Variants in HOMER2 observed in about 807,000 individuals in gnomAD.
HOMER2 encodes homer protein homolog 2.
A neutral mutation model predicts 47.0 loss-of-function variants in HOMER2; 27 were observed. The ratio of observed to expected loss-of-function variants is 0.57; its 90% CI spans 0.42 to 0.79. The LOEUF (loss-of-function observed/expected upper bound fraction) is 0.79. HOMER2 is among the 30% of genes least tolerant of loss of function. The pLI is 0.00. For synonymous variants in HOMER2, 161 were observed against 163.8 expected, an observed-to-expected ratio of 0.98 and a Z score of 0.13; for missense variants, 443 against 435.0, an observed-to-expected ratio of 1.02 and a Z score of -0.16.
chr15:82,891,558 G>C (rs1289035877), intron 2 of HOMER2, among the ~76,000 whole-genome samples: 1 of 152,166 alleles, frequency 6.6e-6, no homozygotes, highest in Admixed American at 6.5e-5. Context: ...CACACCTTCT[G>C]TTTGTGGAGT....
At chr15:82,866,823 G>C (rs1048087975) in intron 3 of HOMER2, among the ~76,000 whole-genome samples, 2 of 152,186 alleles carry the variant, frequency 1.3e-5, no homozygotes, top group African/African-American at 4.8e-5. Flanking sequence ...CCAGCCACGT[G>C]GAACTGTAAG....
chr15:82,843,442 C>CAAAAAAAAAAAA lies in HOMER2; in HGVS notation c.*3820_*3831dup, dbSNP rs56335970. 4 of 20,520 alleles carry CAAAAAAAAAAAA rather than the reference C, an allele frequency of 1.9e-4. 1 individual carries two copies. The highest frequency in any genetic ancestry group is 6.1e-4 in the African/African-American group (2 of 3,276). The allele number at this position is 20,520 out of a possible 1,614,324, so 1.3% of individuals were successfully genotyped here. On this transcript the variant is annotated 3_prime_UTR_variant, in exon 2 of 2. Transcript: ENST00000558090. ...CTGGGGGCCAGGGTGGACCCCGTCT[C>CAAAAAAAAAAAA]AAAAAAAAAAAAAAAAAAAAAAAAA... is the stretch of plus-strand genomic sequence containing the variant.
At chr15:82,981,911 T>C (rs957932225) in intron 1 of HOMER2, among the ~76,000 whole-genome samples, 1 of 142,260 alleles carries the variant, frequency 7.0e-6, no homozygotes, top group Non-Finnish European at 1.5e-5. Context: ...TGAAAAAATC[T>C]CGAGATGGAT....
At chr15:82,983,664 C>T (rs2030474463) in intron 1 of HOMER2, among the ~76,000 whole-genome samples, 1 of 151,954 alleles carries the variant, frequency 6.6e-6, no homozygotes, top group East Asian at 1.9e-4. Context: ...TCTCGGCTCA[C>T]TGCAACCTCT....
upstream of HOMER2, among the ~76,000 whole-genome samples, chr15:82,953,075 T>G (rs1461127341): frequency 6.6e-6 from 1 of 152,168 alleles, no homozygotes; most frequent in Admixed American, 6.5e-5. Flanking sequence ...AACCGAGGCC[T>G]GGGGAGGGTA....
intron 1 of HOMER2, among the ~76,000 whole-genome samples, chr15:82,959,727 A>G (rs748701566): frequency 3.1e-4 from 47 of 152,136 alleles, no homozygotes; most frequent in Non-Finnish European, 5.9e-4. Flanking sequence ...CAGGGTTGAG[A>G]ACCACTGCCC....
intron 1 of HOMER2, among the ~76,000 whole-genome samples, chr15:82,919,044 C>T (rs1221347563): frequency 6.6e-6 from 1 of 152,312 alleles, no homozygotes; most frequent in Admixed American, 6.5e-5. Context: ...TCTCAACCCT[C>T]AGGGTGCAGA....
At chr15:82,900,631 CAG>C (rs1195948970) in intron 1 of HOMER2, among the ~76,000 whole-genome samples, 1 of 152,088 alleles carries the variant, frequency 6.6e-6, no homozygotes, top group East Asian at 1.9e-4. Flanking sequence ...AATGGAAGAG[CAG>C]AGAGTCCAGA....
At chr15:82,982,591 C>T (rs184377164) in intron 1 of HOMER2, among the ~76,000 whole-genome samples, 144 of 152,282 alleles carry the variant, frequency 9.5e-4, no homozygotes, top group African/African-American at 3.3e-3. Flanking sequence ...ATGAGCATTT[C>T]CTTTGAGTGT....
intron 1 of HOMER2, among the ~76,000 whole-genome samples, chr15:82,929,407 G>A (rs1039138586): frequency 2.6e-5 from 4 of 152,052 alleles, no homozygotes; most frequent in African/African-American, 9.7e-5. Flanking sequence ...CGTAATCCCA[G>A]CACTTTGGGA....
intron 1 of HOMER2, among the ~76,000 whole-genome samples, chr15:82,915,143 G>GA (rs200310453): frequency 0.07 from 9,304 of 133,492 alleles, 546 homozygotes; most frequent in African/African-American, 0.17. Flanking sequence ...TTTTTTAATT[G>GA]AAAAAAAAAA....
At chr15:82,955,625 A>C (rs2054580960), upstream of HOMER2, among the ~76,000 whole-genome samples, 1 of 152,200 alleles carries the variant, frequency 6.6e-6, no homozygotes, top group Admixed American at 6.5e-5. Flanking sequence ...TATGAAACAA[A>C]TGTATTATTA....
chr15:82,863,237 C>T (rs1025648952), intron 4 of HOMER2, among the ~76,000 whole-genome samples: 1 of 152,216 alleles, frequency 6.6e-6, no homozygotes, highest in South Asian at 2.1e-4. Flanking sequence ...TTCACAGCCC[C>T]CTCGACAATC....
At chr15:82,977,722 G>A (rs2030253794) in intron 1 of HOMER2, among the ~76,000 whole-genome samples, 1 of 152,140 alleles carries the variant, frequency 6.6e-6, no homozygotes, top group Non-Finnish European at 1.5e-5. Flanking sequence ...ATTCAATAAG[G>A]TAATGTGAAT....
chr15:82,882,095 C>A (rs541207021), intron 2 of HOMER2, among the ~76,000 whole-genome samples: 23 of 152,358 alleles, frequency 1.5e-4, no homozygotes, highest in African/African-American at 5.3e-4. Flanking sequence ...CACCATAAAT[C>A]ACATGCCTAT....
chr15:82,973,552 A>G (rs2030087345), intron 1 of HOMER2, among the ~76,000 whole-genome samples: 1 of 152,220 alleles, frequency 6.6e-6, no homozygotes, highest in Non-Finnish European at 1.5e-5. Flanking sequence ...TCATAGGACA[A>G]TGACAAAATG....
At chr15:82,972,123 A>G (rs528459352) in intron 1 of HOMER2, among the ~76,000 whole-genome samples, 5 of 152,174 alleles carry the variant, frequency 3.3e-5, no homozygotes, top group Non-Finnish European at 5.9e-5. Flanking sequence ...TGGAGTGTGC[A>G]GCCATCACCC....
intron 2 of HOMER2, among the ~76,000 whole-genome samples, chr15:82,889,445 C>A (rs1459457288): frequency 6.6e-6 from 1 of 152,154 alleles, no homozygotes; most frequent in Non-Finnish European, 1.5e-5. Context: ...AGAAGTGGAA[C>A]CAAGCCGACT....
At chr15:82,978,440 A>G (rs1201002459) in intron 1 of HOMER2, among the ~76,000 whole-genome samples, 1 of 152,170 alleles carries the variant, frequency 6.6e-6, no homozygotes, top group Non-Finnish European at 1.5e-5. Flanking sequence ...AGCTCACCTG[A>G]AAAGGCTGTT....
Sources: allele counts gnomAD v4.1 joint callset (sites outside exome capture counted in the v4.1 genomes callset), GRCh38; gene constraint gnomAD v4.1.1; transcripts MANE v1.5; gene names NCBI Gene and HGNC (gene_info 2026-07-23, HGNC 2026-07-21).